FAF1: variants seen among roughly 807,000 people sequenced by gnomAD.
The protein encoded by FAF1 is FAS-associated factor 1.
A neutral mutation model predicts 92.5 loss-of-function variants in FAF1; 25 were observed. The ratio of observed to expected loss-of-function variants is 0.27; its 90% CI spans 0.20 to 0.38. The LOEUF (loss-of-function observed/expected upper bound fraction) is 0.38. Ranked by LOEUF, FAF1 falls within the 10% of genes least tolerant of loss-of-function variation. The probability of loss-of-function intolerance (pLI) is 1.00; values close to 1 mark genes in which losing one functional copy is unlikely to be tolerated. For missense variants in FAF1, 636 were observed against 793.3 expected (o/e 0.80, Z 2.38); for synonymous variants, 234 against 273.2 (o/e 0.86, Z 1.42).
intron 12 of FAF1, among the ~76,000 whole-genome samples, chr1:50,578,240 C>T (rs1362070330): frequency 6.6e-6 from 1 of 151,998 alleles, no homozygotes; most frequent in Non-Finnish European, 1.5e-5. Context: ...TCATCTGTTG[C>T]CCTGGTAAAA....
chr1:50,886,806 C>G (rs1278748), intron 1 of FAF1, among the ~76,000 whole-genome samples: 2 of 152,148 alleles, frequency 1.3e-5, no homozygotes, highest in Non-Finnish European at 2.9e-5. Context: ...GGTTCCAAGT[C>G]TTTGCTATTG....
intron 13 of FAF1, among the ~76,000 whole-genome samples, chr1:50,564,903 T>C (rs1011837096): frequency 1.3e-5 from 2 of 152,138 alleles, no homozygotes; most frequent in Admixed American, 6.5e-5. Context: ...TATTTTCCCA[T>C]TTGCCTTAAC....
chr1:50,866,383 A>G (rs1218488177), intron 1 of FAF1, among the ~76,000 whole-genome samples: 2 of 152,140 alleles, frequency 1.3e-5, no homozygotes, highest in African/African-American at 2.4e-5. Flanking sequence ...CCAAACCAGT[A>G]AAGAGGAAGT....
chr1:50,618,680 A>C lies in FAF1; in HGVS notation c.745-22464T>G, dbSNP rs189648783. On this transcript the variant is annotated intron_variant, in intron 8 of 18. Transcript: ENST00000396153. ...GTTGTGCTGTACCCTTTATCATTAC[A>C]TAAGGCCCTTTATTGTCCTTCTTAA... Among the ~76,000 whole-genome samples the C allele has an allele frequency of 5.9e-5, 9 of 152,038 alleles. No individual in the cohort carries two copies. The East Asian group carries it at 1.7e-3, about 29-fold the overall frequency.
In FAF1 at chr1:50,437,061, T is replaced by TCAGAC. The variant is rs1646135017; in HGVS notation, c.*4374_*4378dup. The TCAGAC allele has an allele frequency of 6.6e-6, 1 of 152,238 alleles. No homozygotes were observed. Among genetic ancestry groups the TCAGAC allele is most frequent in the Admixed American group, 6.5e-5 (1 of 15,288 alleles). The allele number at this position is 152,238 out of a possible 1,614,324, so 9.4% of individuals were successfully genotyped here. A position where few individuals can be genotyped will look rare whatever the true frequency, so the allele number is the denominator to read the frequency against. ...ATGTCTCTTTTATTAATATTTTCTT[T>TCAGAC]CAGACCAAACTTTCAAAATGCAACA... On this transcript the variant is annotated 3_prime_UTR_variant, in exon 19 of 19. Transcript: ENST00000396153.
intron 1 of FAF1, among the ~76,000 whole-genome samples, chr1:50,884,697 T>G (rs1028144308): frequency 2.0e-4 from 30 of 152,286 alleles, no homozygotes; most frequent in Non-Finnish European, 4.1e-4. Context: ...CAGTATTAGT[T>G]GGGGATACTG....
intron 1 of FAF1, among the ~76,000 whole-genome samples, chr1:50,872,847 C>T (rs994759881): frequency 6.6e-6 from 1 of 151,662 alleles, no homozygotes; most frequent in Non-Finnish European, 1.5e-5. Flanking sequence ...TGCAGTGAGC[C>T]GAGATTGCGC....
chr1:50,798,371 A>C (rs543266363), intron 3 of FAF1, among the ~76,000 whole-genome samples: 2 of 152,370 alleles, frequency 1.3e-5, no homozygotes, highest in Non-Finnish European at 2.9e-5. Context: ...TGAGTGGCTA[A>C]AATTATGCTA....
chr1:50,605,590 A>G (rs1282422162), intron 8 of FAF1, among the ~76,000 whole-genome samples: 1 of 152,118 alleles, frequency 6.6e-6, no homozygotes, highest in African/African-American at 2.4e-5. Context: ...ACAGAGGCCA[A>G]TAATCCACAC....
intron 3 of FAF1, among the ~76,000 whole-genome samples, chr1:50,788,834 T>TTTTG (rs1225418336): frequency 6.6e-6 from 1 of 152,158 alleles, no homozygotes; most frequent in Admixed American, 6.5e-5. Context: ...AAACAATTCT[T>TTTTG]TTTGTTTGTT....
chr1:50,559,486 C>A (rs144160318), intron 13 of FAF1, among the ~76,000 whole-genome samples: 2 of 152,102 alleles, frequency 1.3e-5, no homozygotes, highest in Non-Finnish European at 2.9e-5. Flanking sequence ...AATTACTGAG[C>A]CCATTTTGAA....
intron 12 of FAF1, among the ~76,000 whole-genome samples, chr1:50,575,092 T>C (rs1390167697): frequency 6.6e-6 from 1 of 151,964 alleles, no homozygotes; most frequent in Admixed American, 6.6e-5. Flanking sequence ...GTATTTTTAA[T>C]AGAGACGGGG....
intron 6 of FAF1, among the ~76,000 whole-genome samples, chr1:50,718,401 T>A (rs970223113): frequency 6.6e-6 from 1 of 152,180 alleles, no homozygotes; most frequent in Non-Finnish European, 1.5e-5. Flanking sequence ...ACATTATATG[T>A]CCACTGACAA....
chr1:50,633,414 T>G (rs758717736), intron 8 of FAF1, among the ~76,000 whole-genome samples: 18 of 152,224 alleles, frequency 1.2e-4, no homozygotes, highest in Non-Finnish European at 2.5e-4. Flanking sequence ...CAGGCTGGTG[T>G]TGGTATGAAG....
chr1:50,800,155 A>T (rs1435532050), intron 3 of FAF1, among the ~76,000 whole-genome samples: 1 of 152,222 alleles, frequency 6.6e-6, no homozygotes, highest in Non-Finnish European at 1.5e-5. Flanking sequence ...CTAGTCATAA[A>T]ATATATTAAA....
intron 1 of FAF1, among the ~76,000 whole-genome samples, chr1:50,934,904 C>G (rs1384598122): frequency 1.3e-5 from 2 of 152,058 alleles, no homozygotes; most frequent in Admixed American, 6.5e-5. Context: ...TGTCACTGTT[C>G]TATTCATGAA....
At chr1:50,705,183 G>A (rs529618813) in intron 7 of FAF1, among the ~76,000 whole-genome samples, 3 of 152,146 alleles carry the variant, frequency 2.0e-5, no homozygotes, top group African/African-American at 7.2e-5. Context: ...TGGGGCCCAA[G>A]GCATACCAAC....
chr1:50,603,560 T>C (rs1652245579), intron 8 of FAF1, among the ~76,000 whole-genome samples: 1 of 152,192 alleles, frequency 6.6e-6, no homozygotes, highest in Non-Finnish European at 1.5e-5. Flanking sequence ...TAAAATTTCA[T>C]TTACTGCCAA....
chr1:50,921,739 C>G (rs1644964634), intron 1 of FAF1, among the ~76,000 whole-genome samples: 2 of 152,072 alleles, frequency 1.3e-5, no homozygotes, highest in Admixed American at 1.3e-4. Flanking sequence ...CAAGATCACA[C>G]CACTGCACTC....
Sources: allele counts gnomAD v4.1 joint callset (sites outside exome capture counted in the v4.1 genomes callset), GRCh38; gene constraint gnomAD v4.1.1; transcripts MANE v1.5; gene names NCBI Gene and HGNC (gene_info 2026-07-23, HGNC 2026-07-21).